The following SLC35F1 variants were observed in gnomAD, a reference collection of about 807,000 sequenced individuals.
The protein encoded by SLC35F1 is chromosome 6 open reading frame 169.
A neutral mutation model predicts 48.7 loss-of-function variants in SLC35F1; 14 were observed. That is an observed-to-expected ratio of 0.29 (90% CI 0.19 to 0.45). SLC35F1 has a LOEUF of 0.45. Among genes scored for constraint, SLC35F1 ranks in the 20% least tolerant of loss-of-function variants. The pLI is 1.00. For synonymous variants in SLC35F1, 190 were observed against 202.2 expected (o/e 0.94, Z 0.51); for missense variants, 404 against 500.0 (o/e 0.81, Z 1.83).
chr6:118,120,740 G>T (rs906193695), intron 1 of SLC35F1, among the ~76,000 whole-genome samples: 1 of 152,116 alleles, frequency 6.6e-6, no homozygotes, highest in African/African-American at 2.4e-5. Context: ...ACCCCAGGAA[G>T]GGTACAGTAA....
intron 1 of SLC35F1, among the ~76,000 whole-genome samples, chr6:118,026,948 G>A (rs1771961268): frequency 6.6e-6 from 1 of 152,080 alleles, no homozygotes; most frequent in Admixed American, 6.6e-5. Flanking sequence ...TCTCCAAAAA[G>A]TTTTCTGGTC....
chr6:118,132,479 C>T (rs563067264), intron 1 of SLC35F1, among the ~76,000 whole-genome samples: 2 of 152,240 alleles, frequency 1.3e-5, no homozygotes, highest in Admixed American at 6.5e-5. Flanking sequence ...CCACTCTGTG[C>T]CTCAGTTTCC....
At chr6:118,072,985 G>C (rs767819283) in intron 1 of SLC35F1, among the ~76,000 whole-genome samples, 1 of 152,154 alleles carries the variant, frequency 6.6e-6, no homozygotes, top group Non-Finnish European at 1.5e-5. Flanking sequence ...CCTCTGACTT[G>C]TTATAATAGT....
chr6:117,929,333 C>G (rs1216985066), intron 1 of SLC35F1, among the ~76,000 whole-genome samples: 2 of 152,030 alleles, frequency 1.3e-5, no homozygotes, highest in African/African-American at 2.4e-5. Flanking sequence ...AGCAGCAGGA[C>G]TTAGACCAAA....
At chr6:118,107,893 G>T (rs1390345056) in intron 1 of SLC35F1, among the ~76,000 whole-genome samples, 1 of 152,016 alleles carries the variant, frequency 6.6e-6, no homozygotes, top group African/African-American at 2.4e-5. Context: ...AAATTAGAAG[G>T]AATTGTAGCT....
chr6:118,194,406 T>G (rs1415851324), intron 2 of SLC35F1, among the ~76,000 whole-genome samples: 1 of 152,126 alleles, frequency 6.6e-6, no homozygotes, highest in Non-Finnish European at 1.5e-5. Context: ...AAGAAAGTAC[T>G]GCCATGTGGT....
At position 118,047,362 on chromosome 6, in the gene SLC35F1, G is replaced by T. The variant is rs78302476; in HGVS notation, c.174-107083G>T. 9.3e-3 allele frequency among the ~76,000 whole-genome samples: 1,412 copies of T among 152,272 alleles called. 25 individuals are homozygous for T. Among genetic ancestry groups the T allele is most frequent in the African/African-American group, 0.033 (1,359 of 41,558 alleles). ...AGGGCATTCCCGTCACAAATTTGGT[G>T]CCCTCAGTATAGGTTTTGAGCCCTT... On this transcript the variant is annotated intron_variant, in intron 1 of 7. Transcript: ENST00000360388.
intron 1 of SLC35F1, among the ~76,000 whole-genome samples, chr6:118,046,496 T>C (rs1442172740): frequency 1.3e-5 from 2 of 152,188 alleles, no homozygotes; most frequent in African/African-American, 2.4e-5. Context: ...GGCTTTGAAA[T>C]TGAACAGCTT....
At chr6:118,095,610 C>T (rs4946324) in intron 1 of SLC35F1, among the ~76,000 whole-genome samples, 141,674 of 152,152 alleles carry the variant, frequency 0.93, 66,587 homozygotes, top group East Asian at 1. Context: ...CTAATGTGCC[C>T]TTGTGGCCTA....
intron 2 of SLC35F1, among the ~76,000 whole-genome samples, chr6:118,222,922 G>T (rs901683369): frequency 1.3e-5 from 2 of 152,108 alleles, no homozygotes; most frequent in African/African-American, 4.8e-5. Flanking sequence ...TCCTGACCCA[G>T]ATCTGCAATC....
rs1043379059 is a variant in SLC35F1, at chr6:118,307,209, CGTTT to C, written c.1003-6814_1003-6811del. Among the ~76,000 whole-genome samples the C allele has an allele frequency of 9.2e-5, 14 of 152,270 alleles. No homozygotes were observed. The East Asian group carries it at 2.7e-3, about 29-fold the overall frequency. ...CATTTGGCATTCTGACTAAGGCACT[CGTTT>C]GTTTATTTTTGTCTTGATTAAATTA... On this transcript the variant is annotated intron_variant, in intron 7 of 7. Coordinates refer to ENST00000360388, the MANE Select transcript of SLC35F1 (RefSeq NM_001029858.4).
chr6:118,053,670 G>C, intron 1 of SLC35F1, among the ~76,000 whole-genome samples: 1 of 152,032 alleles, frequency 6.6e-6, no homozygotes. Context: ...GTTCATATTT[G>C]TAATTTTAAA....
intron 7 of SLC35F1, among the ~76,000 whole-genome samples, chr6:118,298,810 A>G (rs546045357): frequency 6.6e-6 from 1 of 152,228 alleles, no homozygotes; most frequent in Non-Finnish European, 1.5e-5. Context: ...TTGCTACCAA[A>G]AATTTGGCTG....
At chr6:118,203,524 A>G (rs911323497) in intron 2 of SLC35F1, among the ~76,000 whole-genome samples, 15 of 152,190 alleles carry the variant, frequency 9.9e-5, no homozygotes, top group Non-Finnish European at 1.8e-4. Flanking sequence ...ACAGTGCTTA[A>G]TCTAACTATC....
At chr6:118,295,585 A>G (rs1776174176) in intron 7 of SLC35F1, among the ~76,000 whole-genome samples, 1 of 152,220 alleles carries the variant, frequency 6.6e-6, no homozygotes, top group African/African-American at 2.4e-5. Context: ...ATGTCACTGC[A>G]CTTGAAAACT....
At chr6:118,163,293 T>C (rs1774267173) in intron 2 of SLC35F1, among the ~76,000 whole-genome samples, 1 of 152,060 alleles carries the variant, frequency 6.6e-6, no homozygotes. Context: ...GAGAGTGATA[T>C]CTTACATAGA....
At chr6:118,015,258 G>C (rs1417539975) in intron 1 of SLC35F1, among the ~76,000 whole-genome samples, 1 of 152,080 alleles carries the variant, frequency 6.6e-6, no homozygotes, top group Non-Finnish European at 1.5e-5. Flanking sequence ...AATACACTTA[G>C]GAGCTGGTCT....
chr6:117,991,891 C>T lies in SLC35F1; in HGVS notation c.173+83992C>T, dbSNP rs149903718. On this transcript the variant is annotated intron_variant, in intron 1 of 7. Transcript: ENST00000360388. ...TAAAAATGTCTCTGTTTGTGTCCAA[C>T]TGAACATTTTTTTCTCATGATACCA... Among the ~76,000 whole-genome samples, 19 of 152,216 alleles carry T rather than the reference C, an allele frequency of 1.2e-4. No individual in the cohort carries two copies. The East Asian group carries it at 3.5e-3, about 28-fold the overall frequency.
intron 1 of SLC35F1, among the ~76,000 whole-genome samples, chr6:117,997,222 G>GA (rs1359180109): frequency 6.6e-6 from 1 of 152,018 alleles, no homozygotes; most frequent in Non-Finnish European, 1.5e-5. Flanking sequence ...GAAGTTTAGA[G>GA]AAAAAAGAAT....
Sources: allele counts gnomAD v4.1 joint callset (sites outside exome capture counted in the v4.1 genomes callset), GRCh38; gene constraint gnomAD v4.1.1; transcripts MANE v1.5; gene names NCBI Gene and HGNC (gene_info 2026-07-23, HGNC 2026-07-21).